Variants in TMEM170A observed in about 807,000 individuals in gnomAD.
TMEM170A encodes transmembrane protein 170A, also known as transmembrane protein 170.
A neutral mutation model predicts 12.8 loss-of-function variants in TMEM170A; 18 were observed. The observed-to-expected ratio is 1.41, with a 90% CI of 0.97 to 2.09. The LOEUF is 2.09. TMEM170A is among the 30% of genes most tolerant of loss of function. The pLI is 0.00. For synonymous variants in TMEM170A, 107 were observed against 76.2 expected (o/e 1.40, Z -2.11); for missense variants, 220 against 179.9 (o/e 1.22, Z -1.28).
chr16:75,452,455 C>CT (rs1346066314), intron 1 of TMEM170A, among the ~76,000 whole-genome samples: 5 of 150,990 alleles, frequency 3.3e-5, no homozygotes, highest in Non-Finnish European at 5.9e-5. Context: ...TTTTAATTTT[C>CT]TTTTTTTATG....
In TMEM170A at chr16:75,463,290, C is replaced by A. The variant is rs145282982; in HGVS notation, c.133+1178G>T. Among the ~76,000 whole-genome samples, 298 of 152,176 alleles carry A rather than the reference C, an allele frequency of 2.0e-3. 2 individuals are homozygous for A. In the East Asian group the frequency reaches 0.024, roughly 12 times the overall value. ...TCACACAGGGTCACCAGAATACCAT[C>A]AATTTTTTGATATCACTGTCAAAAG... On this transcript the variant is annotated intron_variant, in intron 1 of 2. Transcript: ENST00000561878.
intron 1 of TMEM170A, among the ~76,000 whole-genome samples, chr16:75,456,078 G>A (rs1025578434): frequency 4.6e-5 from 7 of 152,100 alleles, no homozygotes; most frequent in Non-Finnish European, 1.0e-4. Context: ...GGATTTAAGG[G>A]GCTATTGGAG....
chr16:75,445,863 A>G lies in TMEM170A; in HGVS notation c.*1695T>C, dbSNP rs2079576322. 6.6e-6 allele frequency: 1 copy of G among 152,128 alleles called. No homozygotes were observed. Among genetic ancestry groups the G allele is most frequent in the African/African-American group, 2.4e-5 (1 of 41,434 alleles). The allele number at this position is 152,128 out of a possible 1,614,324, so 9.4% of individuals were successfully genotyped here. A position where few individuals can be genotyped will look rare whatever the true frequency, so the allele number is the denominator to read the frequency against. On this transcript the variant is annotated 3_prime_UTR_variant, in exon 3 of 3. Transcript: ENST00000561878. ...TGGGCTGTTAAGCCTTAATCTCACA[A>G]TGAAAACTTTCCTTTAAAGATGTCA...
rs71380746 is a variant in TMEM170A, at chr16:75,454,459, T to TACACACACACACACAC, written c.134-2621_134-2620insGTGTGTGTGTGTGTGT. Among the ~76,000 whole-genome samples the TACACACACACACACAC allele has an allele frequency of 1.4e-3, 206 of 150,040 alleles. 1 individual carries two copies. The highest frequency in any genetic ancestry group is 4.8e-3 in the African/African-American group (196 of 40,754). On this transcript the variant is annotated intron_variant, in intron 1 of 2. Coordinates refer to ENST00000561878, the MANE Select transcript of TMEM170A (RefSeq NM_145254.3). ...TAGTGAAACCCTGTCTCTCTAAAAA[T>TACACACACACACACAC]ACACACACATACACACACACACAAA...
At chr16:75,455,310 T>C (rs2065807798) in intron 1 of TMEM170A, among the ~76,000 whole-genome samples, 1 of 136,870 alleles carries the variant, frequency 7.3e-6, no homozygotes, top group African/African-American at 2.8e-5. Context: ...TGAGCCGAGA[T>C]CACGCCACTG....
chr16:75,451,989 T>G (rs2079696806), intron 1 of TMEM170A, 150 bp from the exon 2 acceptor site: 1 of 744,066 alleles, frequency 1.3e-6, no homozygotes, highest in South Asian at 2.1e-5. Flanking sequence ...AATTTTTTTT[T>G]GAGACGGAGT....
intron 1 of TMEM170A, 102 bp from the exon 2 acceptor site, chr16:75,451,941 TC>T: frequency 1.8e-6 from 2 of 1,111,938 alleles, no homozygotes; most frequent in Non-Finnish European, 2.5e-6. Context: ...CAACACCGTT[TC>T]TTTTTTCCTT....
intron 1 of TMEM170A, among the ~76,000 whole-genome samples, chr16:75,456,680 G>T (rs2079804219): frequency 6.6e-6 from 1 of 152,150 alleles, no homozygotes; most frequent in Non-Finnish European, 1.5e-5. Flanking sequence ...CACCCTCCCT[G>T]GCTGGCAGCA....
Position 75,455,356 on chromosome 16 carries a change from C to CAAAAAA in TMEM170A, c.134-3523_134-3518dup, listed in dbSNP as rs59205915. The stretch of plus-strand genomic sequence containing the variant: ...TGGGTGACAGAGCGAGACACTGTCT[C>CAAAAAA]AAAAAAAAAAAAAAAAATGCAATAG... On this transcript the variant is annotated intron_variant, in intron 1 of 2. Transcript: ENST00000561878. Among the ~76,000 whole-genome samples the CAAAAAA allele has an allele frequency of 3.3e-3, 365 of 110,628 alleles. 13 individuals carry two copies. The highest frequency in any genetic ancestry group is 4.9e-3 in the Non-Finnish European group (277 of 55,982). The allele number at this position is 110,628 out of a possible 152,430, so 72.6% of individuals were successfully genotyped here.
At chr16:75,462,664 T>G (rs972140119) in intron 1 of TMEM170A, among the ~76,000 whole-genome samples, 2 of 152,230 alleles carry the variant, frequency 1.3e-5, no homozygotes, top group Non-Finnish European at 2.9e-5. Flanking sequence ...CATGGACTCT[T>G]CCAAAATGTC....
intron 1 of TMEM170A, among the ~76,000 whole-genome samples, chr16:75,455,843 C>CAAT (rs1362422917): frequency 2.0e-5 from 3 of 152,082 alleles, no homozygotes; most frequent in Non-Finnish European, 4.4e-5. Flanking sequence ...GAAGAATGAG[C>CAAT]TTATTGGGAT....
rs577352675 is a variant in TMEM170A at position 75,449,383 on chromosome 16, G to A, written c.305-1695C>T. On this transcript the variant is annotated intron_variant, in intron 2 of 2. Transcript: ENST00000561878. ...CACTCTTTCACCTAGGCTGGAATGC[G>A]GTGGCATGATCATGGCTCCCTGCAG... Among the ~76,000 whole-genome samples the A allele has an allele frequency of 1.3e-4, 20 of 151,100 alleles. No individual in the cohort carries two copies. In the South Asian group the frequency reaches 4.2e-3, roughly 32 times the overall value.
intron 1 of TMEM170A, among the ~76,000 whole-genome samples, chr16:75,456,515 T>C (rs955770867): frequency 6.6e-6 from 1 of 152,104 alleles, no homozygotes; most frequent in African/African-American, 2.4e-5. Context: ...AAGTCAGCCT[T>C]AGTCAATAGT....
chr16:75,460,990 T>G (rs1395195278), intron 1 of TMEM170A, among the ~76,000 whole-genome samples: 1 of 152,246 alleles, frequency 6.6e-6, no homozygotes, highest in Non-Finnish European at 1.5e-5. Flanking sequence ...TTTTGAGGTT[T>G]GTTAAAAATG....
chr16:75,449,234 G>A (rs12928036), intron 2 of TMEM170A, among the ~76,000 whole-genome samples: 75,071 of 151,924 alleles, frequency 0.49, 20,007 homozygotes, highest in Admixed American at 0.62. Context: ...AGGTATGATC[G>A]CTATTCTCAA....
Position 75,446,995 on chromosome 16 carries a change from GCCACTACTT to G in TMEM170A, c.*554_*562del, listed in dbSNP as rs1180485363. On this transcript the variant is annotated 3_prime_UTR_variant, in exon 3 of 3. Transcript: ENST00000561878. ...TTTATTTATAAACAGTGGAACCAAA[GCCACTACTT>G]GAGTTATACTTAAATTTTTTTTCCT... The G allele has an allele frequency of 6.6e-6, 1 of 152,132 alleles. No individual in the cohort carries two copies. The highest frequency in any genetic ancestry group is 6.5e-5 in the Admixed American group (1 of 15,280). 9.4% of individuals were successfully genotyped at this position (152,132 alleles called of 1,614,324 possible).
At chr16:75,448,462 G>A (rs1002847695) in intron 2 of TMEM170A, among the ~76,000 whole-genome samples, 4 of 152,126 alleles carry the variant, frequency 2.6e-5, no homozygotes, top group East Asian at 1.9e-4. Context: ...CATTTCATTC[G>A]TTTGAAAAGA....
chr16:75,447,909 T>A (rs1442617832), intron 2 of TMEM170A, among the ~76,000 whole-genome samples: 1 of 152,190 alleles, frequency 6.6e-6, no homozygotes, highest in East Asian at 1.9e-4. Flanking sequence ...AGATGCTGAC[T>A]CCTTAAAACC....
rs117653014 is a variant in TMEM170A, at chr16:75,459,388, C to T, written c.133+5080G>A. 6.4e-3 allele frequency among the ~76,000 whole-genome samples: 982 copies of T among 152,280 alleles called. 8 individuals carry two copies. Among genetic ancestry groups the T allele is most frequent in the Middle Eastern group, 0.017 (5 of 294 alleles). ...TCATGACCAACCTGGCCCCAAATGGCAGCAATGCAAACAACCTGAGCCAAG... is the reference window on the plus strand; with the variant it reads ...TCATGACCAACCTGGCCCCAAATGGTAGCAATGCAAACAACCTGAGCCAAG... On this transcript the variant is annotated intron_variant, in intron 1 of 2. Transcript: ENST00000561878.
Sources: allele counts gnomAD v4.1 joint callset (sites outside exome capture counted in the v4.1 genomes callset), GRCh38; gene constraint gnomAD v4.1.1; transcripts MANE v1.5; gene names NCBI Gene and HGNC (gene_info 2026-07-23, HGNC 2026-07-21).